The following ALK variants were observed in gnomAD, a reference collection of about 807,000 sequenced individuals.
The protein encoded by ALK is ALK receptor tyrosine kinase.
Under a neutral mutation model 163.1 loss-of-function variants are expected in ALK, and 74 were observed. The observed-to-expected ratio is 0.45, with a 90% CI of 0.38 to 0.55. ALK has a LOEUF of 0.55. Ranked by LOEUF, ALK falls within the 20% of genes least tolerant of loss-of-function variation. ALK has a pLI of 0.00. For synonymous variants in ALK, 960 were observed against 843.2 expected, an observed-to-expected ratio of 1.14 and a Z score of -2.40; for missense variants, 2,063 against 2,105.3, an observed-to-expected ratio of 0.98 and a Z score of 0.39.
At chr2:29,641,893 C>T (rs1229000679) in intron 3 of ALK, among the ~76,000 whole-genome samples, 2 of 152,082 alleles carry the variant, frequency 1.3e-5, no homozygotes, top group Admixed American at 1.3e-4. Context: ...TTTTGCTATC[C>T]CTAATGGGGG....
At chr2:29,210,472 A>G (rs936536461) in intron 24 of ALK, among the ~76,000 whole-genome samples, 10 of 152,144 alleles carry the variant, frequency 6.6e-5, no homozygotes, top group Admixed American at 4.6e-4. Flanking sequence ...TTGCTCTGTT[A>G]CCCAGGCTGG....
At chr2:29,257,716 A>G (rs1408636864) in intron 11 of ALK, among the ~76,000 whole-genome samples, 1 of 152,108 alleles carries the variant, frequency 6.6e-6, no homozygotes, top group African/African-American at 2.4e-5. Flanking sequence ...ATAGCATTGA[A>G]TTTCATCCAC....
chr2:29,918,560 C>G (rs922090515), intron 1 of ALK, among the ~76,000 whole-genome samples: 1 of 152,186 alleles, frequency 6.6e-6, no homozygotes, highest in Non-Finnish European at 1.5e-5. Context: ...AAAGGGCTCA[C>G]TTTAGGTGCC....
intron 1 of ALK, among the ~76,000 whole-genome samples, chr2:29,856,205 C>T (rs536469429): frequency 6.6e-6 from 1 of 152,174 alleles, no homozygotes; most frequent in African/African-American, 2.4e-5. Flanking sequence ...TCTTGCTTTA[C>T]AGTTTTGTGG....
At chr2:29,906,554 G>T (rs1667553315) in intron 1 of ALK, among the ~76,000 whole-genome samples, 1 of 152,104 alleles carries the variant, frequency 6.6e-6, no homozygotes, top group Non-Finnish European at 1.5e-5. Flanking sequence ...GTTAATACTT[G>T]TCAGCCAAAC....
At chr2:29,383,922 C>T (rs1157918494) in intron 4 of ALK, 63 bp from the exon 5 acceptor site, 12 of 1,605,720 alleles carry the variant, frequency 7.5e-6, no homozygotes, top group African/African-American at 4.0e-5. Flanking sequence ...TTAGGCCTAA[C>T]ATGTGGACAG....
chr2:29,746,302 CAATT>C (rs1558470115), intron 1 of ALK, among the ~76,000 whole-genome samples: 2 of 152,142 alleles, frequency 1.3e-5, no homozygotes, highest in Admixed American at 6.5e-5. Context: ...CAGTTTTAAA[CAATT>C]AATTTTTATG....
intron 6 of ALK, among the ~76,000 whole-genome samples, chr2:29,325,655 G>T (rs2148255549): frequency 6.6e-6 from 1 of 152,330 alleles, no homozygotes; most frequent in African/African-American, 2.4e-5. Context: ...TTTGAGTGTG[G>T]CTCTGAAGTC....
intron 23 of ALK, among the ~76,000 whole-genome samples, chr2:29,215,235 G>T (rs569987501): frequency 1.3e-5 from 2 of 152,344 alleles, no homozygotes; most frequent in South Asian, 2.1e-4. Flanking sequence ...CCACAGGGAA[G>T]TCACCCAGCC....
intron 6 of ALK, among the ~76,000 whole-genome samples, chr2:29,323,984 T>C (rs934470619): frequency 3.3e-5 from 5 of 152,332 alleles, no homozygotes; most frequent in African/African-American, 1.2e-4. Flanking sequence ...GTAAAATGTG[T>C]GGAATCTCAG....
intron 3 of ALK, among the ~76,000 whole-genome samples, chr2:29,635,037 A>T (rs1415953229): frequency 3.3e-5 from 5 of 152,346 alleles, no homozygotes; most frequent in East Asian, 1.9e-4. Context: ...AACATTTGTA[A>T]TTACTCAAAA....
intron 5 of ALK, among the ~76,000 whole-genome samples, chr2:29,362,576 G>A (rs528434097): frequency 1.2e-3 from 186 of 152,324 alleles, no homozygotes; most frequent in Non-Finnish European, 2.2e-3. Flanking sequence ...CCCAGGAGAT[G>A]AGTAGAATGT....
chr2:29,221,448 C>CA (rs1669802318), intron 22 of ALK, among the ~76,000 whole-genome samples: 2 of 152,114 alleles, frequency 1.3e-5, no homozygotes, highest in African/African-American at 4.8e-5. Context: ...CACATGTACA[C>CA]ACAGCCCCCC....
chr2:29,359,310 C>G (rs1249322186), intron 5 of ALK, among the ~76,000 whole-genome samples: 1 of 152,168 alleles, frequency 6.6e-6, no homozygotes, highest in Non-Finnish European at 1.5e-5. Flanking sequence ...TGGCCCAGGT[C>G]TCCTCCATAC....
intron 9 of ALK, among the ~76,000 whole-genome samples, chr2:29,296,084 A>C (rs960362379): frequency 3.9e-5 from 6 of 152,198 alleles, no homozygotes; most frequent in African/African-American, 1.4e-4. Context: ...AGTGGCAGTG[A>C]ACACTCCATG....
chr2:29,709,545 CGT>C (rs1679012114), intron 2 of ALK, among the ~76,000 whole-genome samples: 1 of 152,166 alleles, frequency 6.6e-6, no homozygotes, highest in African/African-American at 2.4e-5. Flanking sequence ...AAATGCTTAA[CGT>C]CTAGGAAGAG....
chr2:29,646,011 C>G (rs1449461999), intron 3 of ALK, among the ~76,000 whole-genome samples: 1 of 152,106 alleles, frequency 6.6e-6, no homozygotes, highest in African/African-American at 2.4e-5. Flanking sequence ...CAGTGAAGAC[C>G]CTGGATTTGT....
chr2:29,289,142 C>T (rs560179658), intron 9 of ALK, among the ~76,000 whole-genome samples: 36 of 152,090 alleles, frequency 2.4e-4, no homozygotes, highest in African/African-American at 7.2e-4. Flanking sequence ...TGAAGATAAA[C>T]GGGCACAGAT....
intron 3 of ALK, among the ~76,000 whole-genome samples, chr2:29,605,611 C>T (rs1675521920): frequency 6.6e-6 from 1 of 152,090 alleles, no homozygotes; most frequent in African/African-American, 2.4e-5. Context: ...CTCTTTCTTC[C>T]ACGTGATCAC....
Sources: allele counts gnomAD v4.1 joint callset (sites outside exome capture counted in the v4.1 genomes callset), GRCh38; gene constraint gnomAD v4.1.1; transcripts MANE v1.5; gene names NCBI Gene and HGNC (gene_info 2026-07-23, HGNC 2026-07-21).